Variants in MTUS2 observed in about 807,000 individuals in gnomAD.
The protein encoded by MTUS2 is microtubule associated scaffold protein 2, also known as microtubule-associated tumor suppressor candidate 2.
MTUS2 carries 40 observed loss-of-function variants against 114.1 expected under a neutral mutation model. The observed-to-expected ratio is 0.35, with a 90% CI of 0.27 to 0.46. The LOEUF (loss-of-function observed/expected upper bound fraction) is 0.46, where lower values mean the gene tolerates loss of function less well. Among genes scored for constraint, MTUS2 ranks in the 20% least tolerant of loss-of-function variants. The probability of loss-of-function intolerance (pLI) is 1.00; values close to 1 mark genes in which losing one functional copy is unlikely to be tolerated. For missense variants in MTUS2, 1,679 were observed against 1,705.4 expected (o/e 0.98, Z 0.27); for synonymous variants, 688 against 672.0 (o/e 1.02, Z -0.37).
chr13:29,430,076 T>C (rs1314633943), intron 8 of MTUS2, among the ~76,000 whole-genome samples: 1 of 152,214 alleles, frequency 6.6e-6, no homozygotes, highest in Non-Finnish European at 1.5e-5. Flanking sequence ...ATATAAAGCA[T>C]TTGCGCTCAA....
intron 7 of MTUS2, among the ~76,000 whole-genome samples, chr13:29,333,786 G>C (rs1343366542): frequency 1.3e-5 from 2 of 152,102 alleles, no homozygotes; most frequent in Admixed American, 1.3e-4. Context: ...TGACAGTGGG[G>C]TGTCAAAGTC....
Position 29,100,863 on chromosome 13 carries a change from C to T in MTUS2, c.2537C>T (p.Ala846Val). The T allele has an allele frequency of 6.4e-7, 1 of 1,555,092 alleles. No homozygotes were observed. The highest frequency in any genetic ancestry group is 8.7e-7 in the Non-Finnish European group (1 of 1,148,898). ...LRPPGYSRLP[A>V]AKLAAFGFVR... ...CCTCCCGGATACTCACGTCTCCCGGCAGCCAAACTGGCGGCATTTGGCTTT... is the reference window on the plus strand; with the variant it reads ...CCTCCCGGATACTCACGTCTCCCGGTAGCCAAACTGGCGGCATTTGGCTTT... The change falls in exon 5 of 16, where the codon GCA becomes GTA. Residue 846 changes from alanine (A) to valine (V), a missense_variant. Transcript: ENST00000612955.
intron 2 of MTUS2, among the ~76,000 whole-genome samples, chr13:28,991,657 C>T (rs8001072): frequency 0.42 from 64,435 of 151,986 alleles, 14,393 homozygotes; most frequent in South Asian, 0.57. Context: ...CGTGAGCCAC[C>T]GCGCCCGGGT....
chr13:28,911,843 A>ATT (rs1179294665), intron 2 of MTUS2, among the ~76,000 whole-genome samples: 1 of 122,502 alleles, frequency 8.2e-6, no homozygotes, highest in African/African-American at 3.2e-5. Context: ...CCACTTTTTA[A>ATT]TGTTTTTTTT....
chr13:29,023,910 C>G (rs959881457), intron 2 of MTUS2, among the ~76,000 whole-genome samples: 3 of 152,114 alleles, frequency 2.0e-5, no homozygotes, highest in African/African-American at 7.2e-5. Context: ...AATTTGATCA[C>G]GTGGTTAATG....
At chr13:28,994,852 G>A (rs1285675888) in intron 2 of MTUS2, among the ~76,000 whole-genome samples, 10 of 152,048 alleles carry the variant, frequency 6.6e-5, no homozygotes, top group Admixed American at 2.6e-4. Flanking sequence ...TCTGTAGATT[G>A]CCTGTTCACT....
At chr13:29,110,863 G>A (rs953856769) in intron 5 of MTUS2, among the ~76,000 whole-genome samples, 7 of 152,120 alleles carry the variant, frequency 4.6e-5, no homozygotes, top group African/African-American at 1.7e-4. Flanking sequence ...TATGTTTAAT[G>A]AAGAAAAGAT....
intron 8 of MTUS2, among the ~76,000 whole-genome samples, chr13:29,410,881 G>A (rs1231691094): frequency 6.6e-6 from 1 of 152,138 alleles, no homozygotes; most frequent in South Asian, 2.1e-4. Context: ...GCCCAGGCTG[G>A]AGTGCAGTGG....
intron 2 of MTUS2, among the ~76,000 whole-genome samples, chr13:28,997,774 C>T (rs1885183632): frequency 6.6e-6 from 1 of 151,950 alleles, no homozygotes. Flanking sequence ...TATTTTGAGC[C>T]TATGTGTGTC....
intron 5 of MTUS2, among the ~76,000 whole-genome samples, chr13:29,113,218 G>C (rs1477527520): frequency 4.6e-5 from 7 of 152,194 alleles, no homozygotes; most frequent in Non-Finnish European, 8.8e-5. Context: ...AGAGGTGCTG[G>C]TTGAAGAGGG....
At chr13:29,138,379 T>C (rs1000761366) in intron 5 of MTUS2, among the ~76,000 whole-genome samples, 9 of 151,430 alleles carry the variant, frequency 5.9e-5, no homozygotes, top group Non-Finnish European at 1.3e-4. Context: ...CTTCCTACTT[T>C]GCCATCTTCT....
rs142051095 is a variant in MTUS2, at chr13:29,450,991, T to C, written c.3184+10942T>C. Among the ~76,000 whole-genome samples the C allele has an allele frequency of 9.2e-3, 1,405 of 152,314 alleles. 22 individuals are homozygous for C. The highest frequency in any genetic ancestry group is 0.032 in the African/African-American group (1,349 of 41,570). ...GGAGAAATAGACAAATCTACAGTTA[T>C]GATTGGAGACTCCAGTACTCCACTC... On this transcript the variant is annotated intron_variant, in intron 9 of 15. Coordinates refer to ENST00000612955, the MANE Select transcript of MTUS2 (RefSeq NM_001033602.4).
Position 28,897,140 on chromosome 13 carries a change from T to C in MTUS2, c.-243+57290T>C, listed in dbSNP as rs538925925. Among the ~76,000 whole-genome samples, 5 of 152,268 alleles carry C rather than the reference T, an allele frequency of 3.3e-5. No homozygotes were observed. In the South Asian group the frequency reaches 6.2e-4, roughly 19 times the overall value. ...AACCTGCAGAATAGGAGAAAATTTT[T>C]GCAATCTACTCATCTGACAAAGGGC... On this transcript the variant is annotated intron_variant, in intron 2 of 15. Coordinates refer to ENST00000612955, the MANE Select transcript of MTUS2 (RefSeq NM_001033602.4).
chr13:29,293,861 A>T (rs1025775512), intron 6 of MTUS2, among the ~76,000 whole-genome samples: 2 of 152,176 alleles, frequency 1.3e-5, no homozygotes, highest in Non-Finnish European at 2.9e-5. Flanking sequence ...CTGAAATAAA[A>T]TAAATCATTT....
At chr13:29,110,229 AGT>A (rs972514309) in intron 5 of MTUS2, among the ~76,000 whole-genome samples, 26 of 152,372 alleles carry the variant, frequency 1.7e-4, no homozygotes, top group Middle Eastern at 3.4e-3. Flanking sequence ...CAAAATAGAA[AGT>A]GAGAGTTGGA....
intron 8 of MTUS2, among the ~76,000 whole-genome samples, chr13:29,429,918 A>G (rs1027426614): frequency 6.6e-6 from 1 of 152,196 alleles, no homozygotes; most frequent in Non-Finnish European, 1.5e-5. Flanking sequence ...AGGGTTACTT[A>G]CCACCTAGGA....
At chr13:29,297,221 T>G (rs1898986725) in intron 6 of MTUS2, among the ~76,000 whole-genome samples, 1 of 152,202 alleles carries the variant, frequency 6.6e-6, no homozygotes, top group Non-Finnish European at 1.5e-5. Context: ...ATGAATGTCC[T>G]TGGCATCTTT....
At chr13:29,211,386 G>A (rs1317890687) in intron 5 of MTUS2, among the ~76,000 whole-genome samples, 4 of 152,296 alleles carry the variant, frequency 2.6e-5, no homozygotes, top group East Asian at 3.8e-4. Context: ...GAAAGCAAGC[G>A]GGACTTTCAG....
In MTUS2 at chr13:29,025,249, T is replaced by TA; in HGVS notation, c.552dup (p.Ala185SerfsTer49). Reference sequence around the variant, plus strand: ...TCTTTGGAAAGAGCAAGCAGCTCTGTAGCTGCAGTCGGGAGCCTGACTCCG... The same window carrying TA: ...TCTTTGGAAAGAGCAAGCAGCTCTGTAAGCTGCAGTCGGGAGCCTGACTCCG... On this transcript the variant is annotated frameshift_variant, in exon 3 of 16. Coordinates refer to ENST00000612955, the MANE Select transcript of MTUS2 (RefSeq NM_001033602.4). LOFTEE classifies it high-confidence loss of function. The TA allele has an allele frequency of 6.2e-7, 1 of 1,613,988 alleles. No individual in the cohort carries two copies. The highest frequency in any genetic ancestry group is 8.5e-7 in the Non-Finnish European group (1 of 1,179,896).
Sources: allele counts gnomAD v4.1 joint callset (sites outside exome capture counted in the v4.1 genomes callset), GRCh38; gene constraint gnomAD v4.1.1; transcripts MANE v1.5; gene names NCBI Gene and HGNC (gene_info 2026-07-23, HGNC 2026-07-21).